The following PLD2 variants were observed in gnomAD, a reference collection of about 807,000 sequenced individuals.
The protein encoded by PLD2 is choline phosphatase 2.
A neutral mutation model predicts 119.8 loss-of-function variants in PLD2; 101 were observed. The ratio of observed to expected loss-of-function variants is 0.84; its 90% CI spans 0.72 to 0.99. The LOEUF (loss-of-function observed/expected upper bound fraction) is 0.99, where lower values mean the gene tolerates loss of function less well. Among genes scored for constraint, PLD2 ranks in the 50% least tolerant of loss-of-function variants. The pLI is 0.00. For missense variants in PLD2, 1,164 were observed against 1,226.8 expected (o/e 0.95, Z 0.76); for synonymous variants, 494 against 482.8 (o/e 1.02, Z -0.30).
intron 10 of PLD2, among the ~76,000 whole-genome samples, chr17:4,813,551 A>G (rs1022626473): frequency 6.6e-6 from 1 of 152,136 alleles, no homozygotes; most frequent in Non-Finnish European, 1.5e-5. Context: ...ATTAAAGGGT[A>G]TATGCATTTA....
rs1187321932 is a variant in PLD2 at position 4,809,793 on chromosome 17, A to G, written c.707+10A>G. 18 of 1,614,074 alleles carry G rather than the reference A, an allele frequency of 1.1e-5. No homozygotes were observed. The highest frequency in any genetic ancestry group is 1.4e-5 in the Non-Finnish European group (17 of 1,179,962). On this transcript the variant is annotated intron_variant, in intron 8 of 24. Coordinates refer to ENST00000263088, the MANE Select transcript of PLD2 (RefSeq NM_002663.5). ...ATCGCTGGTCCAAGAGGTACGGGCT[A>G]TGGCCAAGCAGCTGGGCAGTGGGTG...
At chr17:4,822,065 G>T (rs573937613) in intron 24 of PLD2, among the ~76,000 whole-genome samples, 158 bp downstream of exon 24, 1 of 152,076 alleles carries the variant, frequency 6.6e-6, no homozygotes, top group Non-Finnish European at 1.5e-5. Context: ...GGCCCAGGCC[G>T]GGTGCAGTGG....
chr17:4,820,726 G>A (rs1200141567), intron 23 of PLD2, among the ~76,000 whole-genome samples: 2 of 148,690 alleles, frequency 1.3e-5, no homozygotes, highest in South Asian at 2.1e-4. Flanking sequence ...ACAGGCACCC[G>A]CCACCTCGCC....
intron 15 of PLD2, 27 bp downstream of exon 15, chr17:4,816,773 C>T (rs1907018156): frequency 6.2e-7 from 1 of 1,614,016 alleles, no homozygotes. Context: ...GCCAAAGCCC[C>T]AGAGAGCTGA....
rs1906370851 is a variant in PLD2 at position 4,810,734 on chromosome 17, G to GA, written c.861-67dup. 3 of 1,238,764 alleles carry GA rather than the reference G, an allele frequency of 2.4e-6. No homozygotes were observed. The African/African-American group carries it at 5.1e-5, about 21-fold the overall frequency. The allele number at this position is 1,238,764 out of a possible 1,614,324, so 76.7% of individuals were successfully genotyped here. A position where few individuals can be genotyped will look rare whatever the true frequency, so the allele number is the denominator to read the frequency against. The stretch of plus-strand genomic sequence containing the variant: ...GACTAAGGGAGGAAGTGGGAAAGGG[G>GA]AGGTCTCTAGGCAAGATCACAGGTA... On this transcript the variant is annotated intron_variant, in intron 9 of 24. Coordinates refer to ENST00000263088, the MANE Select transcript of PLD2 (RefSeq NM_002663.5).
Position 4,819,276 on chromosome 17 carries a change from G to A in PLD2, c.2308+58G>A, listed in dbSNP as rs780237042. 1.9e-6 allele frequency: 3 copies of A among 1,606,836 alleles called. No individual in the cohort carries two copies. The highest frequency in any genetic ancestry group is 2.6e-6 in the Non-Finnish European group (3 of 1,175,960). The stretch of plus-strand genomic sequence containing the variant: ...AGGGTGTGGGGACAGGCGAAGAGAT[G>A]AGAGGCAGGATGACAGAGACTGCAG... On this transcript the variant is annotated intron_variant, in intron 22 of 24. Coordinates refer to ENST00000263088, the MANE Select transcript of PLD2 (RefSeq NM_002663.5). The surrounding 1 kb of genome is among the most constrained non-coding windows in gnomAD (Gnocchi z 4.2).
In PLD2 at chr17:4,819,259, G is replaced by A. The variant is rs368386734; in HGVS notation, c.2308+41G>A. On this transcript the variant is annotated intron_variant, in intron 22 of 24. Transcript: ENST00000263088. This position sits in a 1 kb window ranked among gnomAD's most constrained non-coding sequence, Gnocchi z 4.2. The stretch of plus-strand genomic sequence containing the variant: ...AGTCCTCTGGCAGGGAGAGGGTGTG[G>A]GGACAGGCGAAGAGATGAGAGGCAG... The A allele has an allele frequency of 6.2e-6, 10 of 1,611,264 alleles. No homozygotes were observed. The highest frequency in any genetic ancestry group is 2.2e-5 in the East Asian group (1 of 44,838).
chr17:4,820,954 G>T (rs892600026), intron 23 of PLD2, among the ~76,000 whole-genome samples: 6 of 149,476 alleles, frequency 4.0e-5, no homozygotes, highest in Admixed American at 2.0e-4. Flanking sequence ...CCACGCTGGA[G>T]TGCAGTGGCG....
At chr17:4,810,502 G>A (rs559746339) in intron 9 of PLD2, among the ~76,000 whole-genome samples, 52 of 152,144 alleles carry the variant, frequency 3.4e-4, no homozygotes, top group Non-Finnish European at 2.6e-4. Flanking sequence ...AAAATTAGCC[G>A]GGCGTGGTGG....
chr17:4,819,518 C>T lies in PLD2; in HGVS notation c.2398C>T (p.Leu800Phe). ...LIEDTETEPS[L>F]MNGAEYQAGR... is the part of the protein sequence containing the mutation. ...CGAGGACACAGAGACGGAACCATCC[C>T]TCATGAATGGGGCAGAGTATCAGGC... is the stretch of plus-strand genomic sequence containing the variant. The change falls in exon 23 of 25, where the codon CTC (leucine) becomes TTC (phenylalanine). Residue 800 changes from leucine to phenylalanine, a missense_variant. Transcript: ENST00000263088. The surrounding 1 kb of genome is among the most constrained non-coding windows in gnomAD (Gnocchi z 4.2). The T allele has an allele frequency of 6.2e-7, 1 of 1,614,084 alleles. No homozygotes were observed. The highest frequency in any genetic ancestry group is 1.1e-5 in the South Asian group (1 of 91,086).
At chr17:4,812,598 C>G (rs1259767607) in intron 10 of PLD2, among the ~76,000 whole-genome samples, 2 of 152,008 alleles carry the variant, frequency 1.3e-5, no homozygotes, top group Non-Finnish European at 2.9e-5. Context: ...TGGCTATAAA[C>G]TTCTAAAACA....
At chr17:4,811,523 C>T (rs1906479626) in intron 10 of PLD2, among the ~76,000 whole-genome samples, 1 of 152,156 alleles carries the variant, frequency 6.6e-6, no homozygotes, top group East Asian at 1.9e-4. Flanking sequence ...GGTGATCCGC[C>T]CGCCTCGGCC....
At chr17:4,809,460 G>A in intron 6 of PLD2, 33 bp from the exon 7 acceptor site, 1 of 1,610,314 alleles carries the variant, frequency 6.2e-7, no homozygotes, top group Non-Finnish European at 8.5e-7. Context: ...TGAAAGCCAG[G>A]TGTCTCCTCC....
chr17:4,807,532 T>TACGGG lies in PLD2; in HGVS notation c.-1-234_-1-230dup, dbSNP rs1905975569. ...GCTGGGTGTTCCCCGGGGCTCTGGT[T>TACGGG]ACGGGACGGGGCGGGGGGCGGGGGG... On this transcript the variant is annotated intron_variant, in intron 1 of 24. Transcript: ENST00000263088. The surrounding 1 kb of genome is among the most constrained non-coding windows in gnomAD (Gnocchi z 5.4). 2.8e-6 allele frequency: 1 copy of TACGGG among 359,586 alleles called. No individual in the cohort carries two copies. The highest frequency in any genetic ancestry group is 2.2e-5 in the African/African-American group (1 of 45,552). 22.3% of individuals were successfully genotyped at this position (359,586 alleles called of 1,614,324 possible).
rs368354159 is a variant in PLD2, at chr17:4,807,593, G to A, written c.-1-179G>A. The A allele has an allele frequency of 5.0e-4, 277 of 550,200 alleles. No homozygotes were observed. Among genetic ancestry groups the A allele is most frequent in the Non-Finnish European group, 8.2e-4 (251 of 304,256 alleles). 34.1% of individuals were successfully genotyped at this position (550,200 alleles called of 1,614,324 possible). A position where few individuals can be genotyped will look rare whatever the true frequency, so the allele number is the denominator to read the frequency against. On this transcript the variant is annotated intron_variant, in intron 1 of 24. Transcript: ENST00000263088. This position sits in a 1 kb window ranked among gnomAD's most constrained non-coding sequence, Gnocchi z 5.4. ...ATTGTGGATGAAGGACTAAGGTAGGGGATGGGGGCTCGAAGGGGTCGGTGG... is the reference window on the plus strand; with the variant it reads ...ATTGTGGATGAAGGACTAAGGTAGGAGATGGGGGCTCGAAGGGGTCGGTGG...
intron 13 of PLD2, 51 bp downstream of exon 13, chr17:4,815,637 C>T (rs1906890048): frequency 6.3e-7 from 1 of 1,578,924 alleles, no homozygotes; most frequent in Admixed American, 1.7e-5. Flanking sequence ...TCTCCCCACA[C>T]TGTCCCAGCC....
At position 4,819,088 on chromosome 17, in the gene PLD2, G is replaced by T. The variant is rs771774079; in HGVS notation, c.2178G>T (p.Gly726=). 1.2e-6 allele frequency: 2 copies of T among 1,614,054 alleles called. No individual in the cohort carries two copies. Among genetic ancestry groups the T allele is most frequent in the Non-Finnish European group, 1.7e-6 (2 of 1,180,018 alleles). Residue 726 remains glycine (G), a synonymous_variant, in exon 22 of 25, where the codon GGG becomes GGT. Transcript: ENST00000263088. This position sits in a 1 kb window ranked among gnomAD's most constrained non-coding sequence, Gnocchi z 4.2. ...ACTTCCCCTCCTGTCACGCAGTGGG[G>T]ACAGCATGGCGGGACTATATTTCCA... The part of the protein sequence containing the change: ...SILHRLKAAM[G]TAWRDYISIC...
rs201356383 is a variant in PLD2 at position 4,822,671 on chromosome 17, G to A, written c.2609G>A (p.Arg870His). The stretch of plus-strand genomic sequence containing the variant: ...CGCTGCCTGCCATCCAATGCCACGC[G>A]TTCCCTGCGGACTCTCCGGGAGTAC... ...IFRCLPSNAT[R>H]SLRTLREYVA... Residue 870 changes from arginine to histidine, a missense_variant, in exon 25 of 25, where the codon CGT becomes CAT. By Grantham distance (29) the Arg-to-His change is conservative (BLOSUM62 0). Transcript: ENST00000263088. 223 of 1,612,948 alleles carry A rather than the reference G, an allele frequency of 1.4e-4. 3 individuals carry two copies. Among genetic ancestry groups the A allele is most frequent in the South Asian group, 1.1e-3 (102 of 91,058 alleles).
chr17:4,807,160 C>T lies in PLD2; in HGVS notation c.-67C>T, dbSNP rs934617041. 2.0e-3 allele frequency: 301 copies of T among 151,496 alleles called. No homozygotes were observed. The highest frequency in any genetic ancestry group is 3.3e-3 in the Admixed American group (51 of 15,246). 9.4% of individuals were successfully genotyped at this position (151,496 alleles called of 1,614,324 possible). A position where few individuals can be genotyped will look rare whatever the true frequency, so the allele number is the denominator to read the frequency against. On this transcript the variant is annotated 5_prime_UTR_variant, in exon 1 of 25. Coordinates refer to ENST00000263088, the MANE Select transcript of PLD2 (RefSeq NM_002663.5). This position sits in a 1 kb window ranked among gnomAD's most constrained non-coding sequence, Gnocchi z 5.4. ...CCCGCCTCGGCCGGGGCGTGGGCTC[C>T]GGCTGCAGCTCCGGTCTGCTCTCTT...
Sources: gnomAD v4.1 joint callset for allele counts (sites outside exome capture counted in the v4.1 genomes callset) on GRCh38, gnomAD v4.1.1 for gene constraint, Gnocchi (gnomAD v3.1) non-coding constraint, MANE v1.5 for transcripts, NCBI Gene and HGNC (gene_info 2026-07-23, HGNC 2026-07-21) for gene names.